ZNF106: variants seen among roughly 807,000 people sequenced by gnomAD.
ZNF106 encodes the protein SH3-domain binding protein 3.
A neutral mutation model predicts 195.1 loss-of-function variants in ZNF106; 67 were observed. The observed-to-expected ratio is 0.34, with a 90% confidence interval of 0.28 to 0.42. The LOEUF is 0.42. Among genes scored for constraint, ZNF106 ranks in the 10% least tolerant of loss-of-function variants. The probability of loss-of-function intolerance (pLI) is 1.00; values close to 1 mark genes in which losing one functional copy is unlikely to be tolerated. For missense variants in ZNF106, 2,118 were observed against 2,304.5 expected (o/e 0.92, Z 1.66); for synonymous variants, 784 against 818.6 (o/e 0.96, Z 0.72).
intron 1 of ZNF106, among the ~76,000 whole-genome samples, chr15:42,475,040 T>C (rs2056755941): frequency 6.6e-6 from 1 of 152,194 alleles, no homozygotes; most frequent in Admixed American, 6.5e-5. Flanking sequence ...TCCTAGATAA[T>C]ATGGCAGAAG....
At chr15:42,452,395 C>T (rs1324369346) in intron 4 of ZNF106, among the ~76,000 whole-genome samples, 2 of 151,828 alleles carry the variant, frequency 1.3e-5, no homozygotes, top group Admixed American at 6.6e-5. Flanking sequence ...TAGTGGAGCA[C>T]GCCTGTAACC....
chr15:42,451,794 C>A lies in ZNF106; in HGVS notation c.478G>T (p.Asp160Tyr). ...PPQRDWKWEKDGFNNTRKNSF... is the reference protein window; with the variant it reads ...PPQRDWKWEKYGFNNTRKNSF... ...TTTTTCCTAGTATTATTAAAGCCAT[C>A]TTTTTCCCATTTCCAATCCCGCTGT... Residue 160 changes from aspartate (D) to tyrosine (Y), a missense_variant, in exon 5 of 22, where the codon GAT (aspartate) becomes TAT (tyrosine). By Grantham distance (160) the Asp-to-Tyr change is radical. Coordinates refer to ENST00000564754, the MANE Select transcript of ZNF106 (RefSeq NM_001366845.3). The A allele has an allele frequency of 2.5e-6, 4 of 1,614,206 alleles. No homozygotes were observed. Among genetic ancestry groups the A allele is most frequent in the Non-Finnish European group, 3.4e-6 (4 of 1,180,026 alleles).
intron 3 of ZNF106, among the ~76,000 whole-genome samples, chr15:42,464,523 T>TG: frequency 1.0e-5 from 1 of 96,182 alleles, no homozygotes; most frequent in Non-Finnish European, 1.8e-5. Context: ...CACATGCTAC[T>TG]TTTTTTTTTT....
chr15:42,437,138 A>C (rs1443665386), intron 13 of ZNF106, 94 bp downstream of exon 13: 2 of 1,377,200 alleles, frequency 1.5e-6, no homozygotes, highest in East Asian at 4.8e-5. Context: ...CTTCCTTCAG[A>C]CAGCCAACAA....
At chr15:42,462,960 G>GT (rs971095332) in intron 3 of ZNF106, among the ~76,000 whole-genome samples, 1 of 123,954 alleles carries the variant, frequency 8.1e-6, no homozygotes, top group Middle Eastern at 3.3e-3. Flanking sequence ...TTTTTGTTTT[G>GT]TTTTTTGTTT....
chr15:42,424,556 G>T, intron 16 of ZNF106: 1 of 368,868 alleles, frequency 2.7e-6, no homozygotes, highest in Non-Finnish European at 5.0e-6. Flanking sequence ...CACAATCATG[G>T]CTCACTGCAG....
At chr15:42,417,514 T>C (rs1182063897) in intron 21 of ZNF106, among the ~76,000 whole-genome samples, 154 bp from the exon 22 acceptor site, 1 of 152,174 alleles carries the variant, frequency 6.6e-6, no homozygotes, top group Non-Finnish European at 1.5e-5. Context: ...CGTGAAACCA[T>C]GTACTTAAAG....
chr15:42,483,730 G>GTTGATCTCTGTGATCAGACAAA (rs1218746451), intron 1 of ZNF106, among the ~76,000 whole-genome samples: 2 of 152,126 alleles, frequency 1.3e-5, no homozygotes, highest in Admixed American at 1.3e-4. Flanking sequence ...CTACTTTCTT[G>GTTGATCTCTGTGATCAGACAAA]TTGATCTCTG....
intron 1 of ZNF106, among the ~76,000 whole-genome samples, chr15:42,487,961 T>C (rs1036169275): frequency 1.8e-4 from 28 of 152,196 alleles, no homozygotes; most frequent in African/African-American, 5.8e-4. Flanking sequence ...AAGACCCTTA[T>C]ATGAAATGGC....
At chr15:42,469,599 T>C (rs2056616117) in intron 2 of ZNF106, among the ~76,000 whole-genome samples, 1 of 152,042 alleles carries the variant, frequency 6.6e-6, no homozygotes, top group Non-Finnish European at 1.5e-5. Context: ...CCCAGTACTT[T>C]GGGAGGTCAA....
chr15:42,419,034 T>G (rs1458168263), intron 20 of ZNF106, among the ~76,000 whole-genome samples: 2 of 140,460 alleles, frequency 1.4e-5, no homozygotes, highest in Non-Finnish European at 3.0e-5. Context: ...GAGACCAGCC[T>G]GGGCAACATA....
intron 4 of ZNF106, 76 bp from the exon 5 acceptor site, chr15:42,452,030 T>G: frequency 6.7e-7 from 1 of 1,484,170 alleles, no homozygotes; most frequent in Non-Finnish European, 9.0e-7. Flanking sequence ...CCCACCAAAC[T>G]TCCCTTGTAC....
At chr15:42,452,418 G>A (rs1262297450) in intron 4 of ZNF106, among the ~76,000 whole-genome samples, 2 of 152,086 alleles carry the variant, frequency 1.3e-5, no homozygotes, top group Non-Finnish European at 2.9e-5. Flanking sequence ...AGCTACTCGG[G>A]AGGCTGAGGA....
intron 16 of ZNF106, 43 bp from the exon 17 acceptor site, chr15:42,424,103 T>G: frequency 6.4e-7 from 1 of 1,557,084 alleles, no homozygotes; most frequent in Non-Finnish European, 8.7e-7. Flanking sequence ...TATACGGTTC[T>G]TAATTTTCTC....
Position 42,450,787 on chromosome 15 carries a change from G to A in ZNF106, c.1485C>T (p.Ile495=), listed in dbSNP as rs775775566. 6.2e-7 allele frequency: 1 copy of A among 1,614,188 alleles called. No individual in the cohort carries two copies. Among genetic ancestry groups the A allele is most frequent in the Admixed American group, 1.7e-5 (1 of 60,020 alleles). The part of the protein sequence containing the change: ...SLSQKQDPKN[I]SKNTKTNFFS... ...AAAAATTTGTTTTGGTGTTTTTTGAGATATTCTTTGGATCTTGCTTTTGAG... is the reference window on the plus strand; with the variant it reads ...AAAAATTTGTTTTGGTGTTTTTTGAAATATTCTTTGGATCTTGCTTTTGAG... Residue 495 remains isoleucine (I), a synonymous_variant, in exon 5 of 22, where the codon ATC becomes ATT. Coordinates refer to ENST00000564754, the MANE Select transcript of ZNF106 (RefSeq NM_001366845.3).
chr15:42,434,776 T>TTC (rs1421382496), intron 14 of ZNF106, among the ~76,000 whole-genome samples: 2 of 151,380 alleles, frequency 1.3e-5, no homozygotes, highest in African/African-American at 4.8e-5. Flanking sequence ...CTCTTTTTTT[T>TTC]TTTTTTTTTT....
chr15:42,423,561 T>A (rs1284204100), intron 17 of ZNF106, among the ~76,000 whole-genome samples: 2 of 151,982 alleles, frequency 1.3e-5, no homozygotes, highest in South Asian at 2.1e-4. Flanking sequence ...AAATTTTTTT[T>A]AAGAGATGGG....
chr15:42,480,285 C>A (rs182838260), intron 1 of ZNF106, among the ~76,000 whole-genome samples: 5 of 152,192 alleles, frequency 3.3e-5, no homozygotes, highest in Non-Finnish European at 5.9e-5. Flanking sequence ...ATGAACTGAC[C>A]TTTTATTGTT....
chr15:42,450,995 T>G lies in ZNF106; in HGVS notation c.1277A>C (p.Gln426Pro). The G allele has an allele frequency of 1.2e-6, 2 of 1,614,236 alleles. No individual in the cohort carries two copies. Among genetic ancestry groups the G allele is most frequent in the Non-Finnish European group, 1.7e-6 (2 of 1,180,042 alleles). ...AGTATGTATTTCTTTTTGTGTTTTC[T>G]GTGTTGGGGAATTACGTGTTTCATC... ...QTDETRNSPT[Q>P]KTQKEIHTGS... Residue 426 changes from glutamine to proline, a missense_variant, in exon 5 of 22, where the codon CAG becomes CCG. Transcript: ENST00000564754.
Sources: gnomAD v4.1 joint callset for allele counts (sites outside exome capture counted in the v4.1 genomes callset) on GRCh38, gnomAD v4.1.1 for gene constraint, MANE v1.5 for transcripts, NCBI Gene and HGNC (gene_info 2026-07-23, HGNC 2026-07-21) for gene names.